Variants in CFAP100 observed in about 807,000 individuals in gnomAD.
CFAP100 encodes the protein cilia and flagella associated protein 100.
In CFAP100, 70 loss-of-function variants were observed where a neutral mutation model predicts 81.5. The observed-to-expected ratio is 0.86, with a 90% CI of 0.71 to 1.05. The LOEUF (loss-of-function observed/expected upper bound fraction) is 1.05, where lower values mean the gene tolerates loss of function less well. Among genes scored for constraint, CFAP100 ranks in the 50% least tolerant of loss-of-function variants. CFAP100 has a pLI of 0.00. For missense variants in CFAP100, 811 were observed against 776.5 expected, an observed-to-expected ratio of 1.04 and a Z score of -0.53; for synonymous variants, 341 against 314.8, an observed-to-expected ratio of 1.08 and a Z score of -0.88.
chr3:126,402,033 T>C (rs868214396), intron 2 of CFAP100, among the ~76,000 whole-genome samples: 1 of 152,220 alleles, frequency 6.6e-6, no homozygotes, highest in Non-Finnish European at 1.5e-5. Context: ...TTATTTTATG[T>C]GCTTGTTGCC....
chr3:126,436,455 A>C lies in CFAP100; in HGVS notation c.*51A>C, dbSNP rs894545602. On this transcript the variant is annotated 3_prime_UTR_variant, in exon 17 of 17. Transcript: ENST00000352312. ...CTGAAGGCTTAGCAAAGATGTTGGC[A>C]GAGGAAGCAGAGACTGGGCTGGGTC... The C allele has an allele frequency of 7.0e-7, 1 of 1,422,648 alleles. No homozygotes were observed. 88.1% of individuals were successfully genotyped at this position (1,422,648 alleles called of 1,614,324 possible). A position where few individuals can be genotyped will look rare whatever the true frequency, so the allele number is the denominator to read the frequency against.
rs1236853450 is a variant in CFAP100, at chr3:126,418,489, C to T, written c.450C>T (p.Gly150=). The T allele has an allele frequency of 6.2e-7, 1 of 1,614,044 alleles. No individual in the cohort carries two copies. The highest frequency in any genetic ancestry group is 2.2e-5 in the East Asian group (1 of 44,874). Reference sequence around the variant, plus strand: ...ATGTGGAGCCTGAGAACATGAGTGGCTACATTAAGCAGAAGCGGCAAATGT... The same window carrying T: ...ATGTGGAGCCTGAGAACATGAGTGGTTACATTAAGCAGAAGCGGCAAATGT... The part of the protein sequence containing the change: ...EKNVEPENMS[G]YIKQKRQMFL... The change falls in exon 6 of 17, where the codon GGC becomes GGT. Residue 150 remains glycine, a synonymous_variant. Coordinates refer to ENST00000352312, the MANE Select transcript of CFAP100 (RefSeq NM_182628.3).
In CFAP100 at chr3:126,416,800, A is replaced by G. The variant is rs1306293332; in HGVS notation, c.418+292A>G. The G allele has an allele frequency of 9.8e-6, 3 of 306,392 alleles. No individual in the cohort carries two copies. The East Asian group carries it at 1.6e-4, about 17-fold the overall frequency. 19.0% of individuals were successfully genotyped at this position (306,392 alleles called of 1,614,324 possible). A position where few individuals can be genotyped will look rare whatever the true frequency, so the allele number is the denominator to read the frequency against. ...CCGGAGCTGAAAGTAGGTGAGTACA[A>G]TACAGCAAGATATTTTGAGAAAGAG... On this transcript the variant is annotated intron_variant, in intron 5 of 16. Transcript: ENST00000352312.
intron 3 of CFAP100, 84 bp downstream of exon 3, chr3:126,407,336 TCTCTAGAGC>T: frequency 1.3e-6 from 1 of 797,522 alleles, no homozygotes; most frequent in South Asian, 1.6e-5. Flanking sequence ...TCAGACCAGG[TCTCTAGAGC>T]TAAGGGCAGA....
chr3:126,411,715 T>C lies in CFAP100; in HGVS notation c.131-2370T>C, dbSNP rs562304247. ...GTGCACATACATGTTCGTAGTAGTC[T>C]TAAATGATCTTTTGTATTTCTGTGG... On this transcript the variant is annotated intron_variant, in intron 3 of 16. Transcript: ENST00000352312. Among the ~76,000 whole-genome samples, 3 of 152,310 alleles carry C rather than the reference T, an allele frequency of 2.0e-5. No individual in the cohort carries two copies. The East Asian group carries it at 5.8e-4, about 29-fold the overall frequency.
Position 126,420,330 on chromosome 3 carries a change from T to G in CFAP100, c.1082+101T>G. 3 of 1,485,632 alleles carry G rather than the reference T, an allele frequency of 2.0e-6. No individual in the cohort carries two copies. The African/African-American group carries it at 4.2e-5, about 21-fold the overall frequency. The allele number at this position is 1,485,632 out of a possible 1,614,324, so 92.0% of individuals were successfully genotyped here. A position where few individuals can be genotyped will look rare whatever the true frequency, so the allele number is the denominator to read the frequency against. On this transcript the variant is annotated intron_variant, in intron 11 of 16. Coordinates refer to ENST00000352312, the MANE Select transcript of CFAP100 (RefSeq NM_182628.3). ...GGTCTGAGTGCCACAGAAAAGAAAG[T>G]GTGTTACTCACAGTCCCTACTCCAA... is the stretch of plus-strand genomic sequence containing the variant.
In CFAP100 at chr3:126,420,025, A is replaced by G; in HGVS notation, c.955+4A>G. 7 of 1,613,218 alleles carry G rather than the reference A, an allele frequency of 4.3e-6. No homozygotes were observed. Among genetic ancestry groups the G allele is most frequent in the Non-Finnish European group, 5.9e-6 (7 of 1,179,972 alleles). Reference sequence around the variant, plus strand: ...GCGAGCTCCATGTGGGCCAAAGGTGAGCTGCCGCCCCCAGCCTGAGGAGGA... The same window carrying G: ...GCGAGCTCCATGTGGGCCAAAGGTGGGCTGCCGCCCCCAGCCTGAGGAGGA... On this transcript the variant is annotated splice_donor_region_variant and intron_variant, in intron 10 of 16. Transcript: ENST00000352312.
Position 126,414,004 on chromosome 3 carries a change from G to T in CFAP100, c.131-81G>T. ...CTCATGCTTTTCCATGCTGGGCTGG[G>T]AAGGCAGTGGGGCCCCAGAGACAGA... is the stretch of plus-strand genomic sequence containing the variant. On this transcript the variant is annotated intron_variant, in intron 3 of 16. Transcript: ENST00000352312. 2 of 896,120 alleles carry T rather than the reference G, an allele frequency of 2.2e-6. 1 individual carries two copies. Among genetic ancestry groups the T allele is most frequent in the South Asian group, 2.7e-5 (2 of 74,108 alleles). 55.5% of individuals were successfully genotyped at this position (896,120 alleles called of 1,614,324 possible).
intron 3 of CFAP100, among the ~76,000 whole-genome samples, chr3:126,411,088 T>TA (rs1393006955): frequency 3.3e-5 from 5 of 152,260 alleles, no homozygotes; most frequent in Admixed American, 2.0e-4. Flanking sequence ...TGAGAGTTTT[T>TA]ATCATAAAGG....
intron 13 of CFAP100, among the ~76,000 whole-genome samples, chr3:126,430,502 A>G (rs1933170548): frequency 6.6e-6 from 1 of 152,194 alleles, no homozygotes; most frequent in African/African-American, 2.4e-5. Flanking sequence ...ATAAAAATAA[A>G]AATAAAAAAT....
At chr3:126,419,849 T>A in intron 9 of CFAP100, 31 bp downstream of exon 9, 1 of 1,611,802 alleles carries the variant, frequency 6.2e-7, no homozygotes, top group East Asian at 2.2e-5. Context: ...GGTTCCCAGG[T>A]GGGCTCTGCC....
Position 126,404,278 on chromosome 3 carries a change from G to C in CFAP100, c.50-2894G>C, listed in dbSNP as rs561675671. Among the ~76,000 whole-genome samples, 65 of 152,334 alleles carry C rather than the reference G, an allele frequency of 4.3e-4. No homozygotes were observed. The South Asian group carries it at 0.013, about 32-fold the overall frequency. ...CAAGCTAAAATAACCAAAAGAGTCA[G>C]AATCAGGTTTAGAGTTTCTCCAAGC... On this transcript the variant is annotated intron_variant, in intron 2 of 16. Transcript: ENST00000352312.
chr3:126,404,685 T>A (rs2083036125), intron 2 of CFAP100, among the ~76,000 whole-genome samples: 1 of 152,134 alleles, frequency 6.6e-6, no homozygotes, highest in South Asian at 2.1e-4. Flanking sequence ...AAATGAGGTT[T>A]TTTTTCTGAG....
chr3:126,419,702 T>C lies in CFAP100; in HGVS notation c.797T>C (p.Leu266Pro). 1.2e-6 allele frequency: 2 copies of C among 1,614,118 alleles called. No homozygotes were observed. The highest frequency in any genetic ancestry group is 2.2e-5 in the South Asian group (2 of 91,088). ...YKVYKDFLYK[L>P]SPKEWLEEQE... ...GTCTATAAGGATTTCCTATACAAGC[T>C]GTCGCCCAAGGAGTGGCTTGAAGAA... The change falls in exon 9 of 17, where the codon CTG (leucine) becomes CCG (proline). Residue 266 changes from leucine (L) to proline (P), a missense_variant. Physicochemically the swap from Leu to Pro is moderately conservative, Grantham distance 98. Coordinates refer to ENST00000352312, the MANE Select transcript of CFAP100 (RefSeq NM_182628.3).
rs755787872 is a variant in CFAP100 at position 126,433,208 on chromosome 3, G to A, written c.1422+4G>A. 2 of 1,614,112 alleles carry A rather than the reference G, an allele frequency of 1.2e-6. No homozygotes were observed. The highest frequency in any genetic ancestry group is 1.7e-5 in the Admixed American group (1 of 60,022). ...CGAGTACAAGGGCGATCAGCAGGTA[G>A]GCTGGGGATCAAGGTGGCCAGAGGC... On this transcript the variant is annotated splice_donor_region_variant and intron_variant, in intron 14 of 16. Transcript: ENST00000352312.
intron 13 of CFAP100, among the ~76,000 whole-genome samples, chr3:126,428,752 T>C (rs919841453): frequency 3.3e-5 from 5 of 152,122 alleles, no homozygotes; most frequent in Non-Finnish European, 5.9e-5. Context: ...ATCGAGGTGA[T>C]ACTGGCTTCA....
intron 1 of CFAP100, chr3:126,395,204 C>CG (rs1244676960): frequency 6.6e-6 from 1 of 152,292 alleles, no homozygotes; most frequent in Non-Finnish European, 1.5e-5. Context: ...CTGTGTGGCT[C>CG]GGGGCCTTGC....
chr3:126,414,104 A>G lies in CFAP100; in HGVS notation c.150A>G (p.Ser50=), dbSNP rs778452547. The G allele has an allele frequency of 3.1e-6, 5 of 1,613,906 alleles. No homozygotes were observed. The Admixed American group carries it at 6.7e-5, about 22-fold the overall frequency. The change falls in exon 4 of 17, where the codon TCA becomes TCG. Residue 50 remains serine, a synonymous_variant. Transcript: ENST00000352312. ...RKNEEHGPDP[S]ANPFHLSGDV... ...TTCCAGAACATGGTCCTGACCCTTC[A>G]GCGAACCCTTTCCACTTATCTGGGG... is the stretch of plus-strand genomic sequence containing the variant.
intron 4 of CFAP100, among the ~76,000 whole-genome samples, chr3:126,415,693 G>C (rs1035475633): frequency 6.6e-6 from 1 of 152,184 alleles, no homozygotes; most frequent in Non-Finnish European, 1.5e-5. Context: ...AAAAGTGGGA[G>C]GGGGTGTGGA....
Sources: gnomAD v4.1 joint callset for allele counts (sites outside exome capture counted in the v4.1 genomes callset) on GRCh38, gnomAD v4.1.1 for gene constraint, MANE v1.5 for transcripts, NCBI Gene and HGNC (gene_info 2026-07-23, HGNC 2026-07-21) for gene names.